CAMK4: variants seen among roughly 807,000 people sequenced by gnomAD.
The protein encoded by CAMK4 is calcium/calmodulin-dependent protein kinase type IV.
Under a neutral mutation model 44.9 loss-of-function variants are expected in CAMK4, and 22 were observed. That is an observed-to-expected ratio of 0.49 (90% CI 0.35 to 0.70). The LOEUF (loss-of-function observed/expected upper bound fraction) is 0.70, where lower values mean the gene tolerates loss of function less well. CAMK4 is among the 30% of genes least tolerant of loss of function. The pLI, the probability that CAMK4 is intolerant of heterozygous loss-of-function variation, is 0.01. For synonymous variants in CAMK4, 218 were observed against 215.4 expected (o/e 1.01, Z -0.11); for missense variants, 498 against 586.8 (o/e 0.85, Z 1.56).
chr5:111,300,191 C>T (rs1162612974), intron 1 of CAMK4, among the ~76,000 whole-genome samples: 1 of 152,180 alleles, frequency 6.6e-6, no homozygotes, highest in Non-Finnish European at 1.5e-5. Flanking sequence ...ATACTAATGT[C>T]AGAATCATGG....
intron 1 of CAMK4, among the ~76,000 whole-genome samples, chr5:111,267,659 G>C (rs932851908): frequency 7.0e-6 from 1 of 142,424 alleles, no homozygotes; most frequent in Non-Finnish European, 1.5e-5. Context: ...AGCGGAGATC[G>C]TGCCACAGCA....
intron 1 of CAMK4, among the ~76,000 whole-genome samples, chr5:111,265,243 AAAT>A (rs1750183403): frequency 6.6e-6 from 1 of 152,362 alleles, no homozygotes; most frequent in Middle Eastern, 3.4e-3. Context: ...TGAATTTACT[AAAT>A]AATATTATTT....
chr5:111,453,066 T>C (rs1754291152), intron 7 of CAMK4, among the ~76,000 whole-genome samples: 1 of 152,240 alleles, frequency 6.6e-6, no homozygotes, highest in African/African-American at 2.4e-5. Context: ...CATATTTCTT[T>C]AGCAGACAAA....
intron 5 of CAMK4, among the ~76,000 whole-genome samples, chr5:111,424,471 G>GTC (rs1753146197): frequency 9.5e-6 from 1 of 104,792 alleles, no homozygotes; most frequent in Non-Finnish European, 1.7e-5. Flanking sequence ...TTGAGACAGA[G>GTC]TCTCGCTCTG....
chr5:111,445,916 T>C (rs1408568306), intron 5 of CAMK4, among the ~76,000 whole-genome samples: 1 of 152,164 alleles, frequency 6.6e-6, no homozygotes, highest in Non-Finnish European at 1.5e-5. Context: ...CGTTTCAAAC[T>C]GATGAGGGAT....
At position 111,476,422 on chromosome 5, in the gene CAMK4, C is replaced by A. The variant is rs1478737199; in HGVS notation, c.702-1959C>A. Among the ~76,000 whole-genome samples, 3 of 151,952 alleles carry A rather than the reference C, an allele frequency of 2.0e-5. No homozygotes were observed. In the East Asian group the frequency reaches 5.8e-4, roughly 29 times the overall value. On this transcript the variant is annotated intron_variant, in intron 8 of 10. Transcript: ENST00000282356. ...CCCCCCGAGTACCTGGGATTACAAG[C>A]ACGTGCCACCATGCCCAGCTAATTT...
chr5:111,385,273 C>T (rs748247927), intron 4 of CAMK4, among the ~76,000 whole-genome samples: 1 of 151,980 alleles, frequency 6.6e-6, no homozygotes, highest in Non-Finnish European at 1.5e-5. Flanking sequence ...GGCATAAACA[C>T]AGTGTGTAGA....
chr5:111,413,611 A>G (rs931498406), intron 5 of CAMK4, among the ~76,000 whole-genome samples: 1 of 152,230 alleles, frequency 6.6e-6, no homozygotes, highest in South Asian at 2.1e-4. Context: ...AGCTAAAGCT[A>G]TGAATTGTTG....
At chr5:111,275,798 TAA>T (rs1312506756) in intron 1 of CAMK4, among the ~76,000 whole-genome samples, 3 of 152,056 alleles carry the variant, frequency 2.0e-5, no homozygotes, top group Non-Finnish European at 4.4e-5. Flanking sequence ...TTCCAACACA[TAA>T]AAGATTAATG....
chr5:111,425,130 T>G (rs921830357), intron 5 of CAMK4, among the ~76,000 whole-genome samples: 2 of 141,270 alleles, frequency 1.4e-5, no homozygotes, highest in African/African-American at 5.4e-5. Flanking sequence ...TCGACTGCAC[T>G]CCAGCCTGGG....
intron 7 of CAMK4, among the ~76,000 whole-genome samples, chr5:111,466,616 A>G (rs1754844125): frequency 6.6e-6 from 1 of 152,172 alleles, no homozygotes; most frequent in African/African-American, 2.4e-5. Context: ...AAAAAATTAA[A>G]ATACTTAGGA....
intron 7 of CAMK4, among the ~76,000 whole-genome samples, chr5:111,460,253 T>C (rs1754594441): frequency 9.4e-6 from 1 of 106,728 alleles, no homozygotes; most frequent in African/African-American, 3.4e-5. Context: ...TGTTTTTCTT[T>C]TCTTTTCTTT....
intron 1 of CAMK4, among the ~76,000 whole-genome samples, chr5:111,228,873 A>AT: frequency 6.6e-6 from 1 of 151,992 alleles, no homozygotes; most frequent in Non-Finnish European, 1.5e-5. Context: ...GTCATTACTG[A>AT]TTTTTCCCCT....
chr5:111,312,805 GC>G (rs1748264432), intron 1 of CAMK4, among the ~76,000 whole-genome samples: 1 of 152,148 alleles, frequency 6.6e-6, no homozygotes, highest in African/African-American at 2.4e-5. Flanking sequence ...TTAGCGGAGA[GC>G]CCTATGCTCA....
chr5:111,481,917 A>G (rs1203369749), intron 9 of CAMK4: 3 of 152,218 alleles, frequency 2.0e-5, no homozygotes, highest in Non-Finnish European at 4.4e-5. Flanking sequence ...TGGAAATAAG[A>G]TTCTGTAAGG....
At chr5:111,288,308 G>C (rs961254069) in intron 1 of CAMK4, among the ~76,000 whole-genome samples, 1 of 152,176 alleles carries the variant, frequency 6.6e-6, no homozygotes, top group Non-Finnish European at 1.5e-5. Flanking sequence ...ATGTGCAAGA[G>C]TTTCTCTGGG....
chr5:111,352,301 G>A (rs1352597683), intron 2 of CAMK4, among the ~76,000 whole-genome samples: 5 of 152,170 alleles, frequency 3.3e-5, no homozygotes, highest in Admixed American at 3.3e-4. Flanking sequence ...GAGACTGGTG[G>A]ATTCTCAATT....
At chr5:111,327,268 T>C (rs1404783804) in intron 1 of CAMK4, among the ~76,000 whole-genome samples, 1 of 152,118 alleles carries the variant, frequency 6.6e-6, no homozygotes, top group East Asian at 1.9e-4. Context: ...GTTTGGTTTT[T>C]TGTCCTTGTG....
chr5:111,451,232 C>T (rs1754220397), intron 7 of CAMK4, among the ~76,000 whole-genome samples: 1 of 109,770 alleles, frequency 9.1e-6, no homozygotes, highest in Admixed American at 8.8e-5. Context: ...ATAGAATTTC[C>T]CTGTACTATA....
Sources: allele counts gnomAD v4.1 joint callset (sites outside exome capture counted in the v4.1 genomes callset), GRCh38; gene constraint gnomAD v4.1.1; transcripts MANE v1.5; gene names NCBI Gene and HGNC (gene_info 2026-07-23, HGNC 2026-07-21).